The following VCAN variants were observed in gnomAD, a reference collection of about 807,000 sequenced individuals.
VCAN encodes versican.
In VCAN, 44 loss-of-function variants were observed where a neutral mutation model predicts 245.5. The observed-to-expected ratio is 0.18, with a 90% CI of 0.14 to 0.23. The LOEUF is 0.23. Among genes scored for constraint, VCAN ranks in the 10% least tolerant of loss-of-function variants. The pLI is 1.00. For missense variants in VCAN, 3,793 were observed against 4,057.9 expected (o/e 0.93, Z 1.77); for synonymous variants, 1,413 against 1,437.0 (o/e 0.98, Z 0.38).
intron 5 of VCAN, among the ~76,000 whole-genome samples, chr5:83,505,702 C>T (rs1214183498): frequency 6.6e-6 from 1 of 152,170 alleles, no homozygotes; most frequent in African/African-American, 2.4e-5. Context: ...TAGGGAGTGC[C>T]CCTGTAGGGA....
At chr5:83,483,312 A>G (rs890466810) in intron 1 of VCAN, among the ~76,000 whole-genome samples, 3 of 152,200 alleles carry the variant, frequency 2.0e-5, no homozygotes, top group African/African-American at 4.8e-5. Context: ...GATTCAAACT[A>G]ATAATTAAAG....
chr5:83,491,926 G>A (rs1744995694), intron 3 of VCAN, among the ~76,000 whole-genome samples: 10 of 152,074 alleles, frequency 6.6e-5, no homozygotes, highest in Admixed American at 6.5e-4. Context: ...TTAAGCCTTA[G>A]AGATCATTTT....
At chr5:83,546,452 G>A (rs1747223906) in intron 9 of VCAN, among the ~76,000 whole-genome samples, 1 of 151,940 alleles carries the variant, frequency 6.6e-6, no homozygotes, top group Non-Finnish European at 1.5e-5. Flanking sequence ...CATATTAAAA[G>A]AGTACTTAAA....
Position 83,520,366 on chromosome 5 carries a change from CA to C in VCAN, c.2061del (p.Glu688LysfsTer3). ...QTEMTHRRER[T>X]ETLIPEMRTD... ...GAAATGACACATAGAAGAGAAAGAA[CA>C]GAAACACTAATACCAGAGATGAGAA... On this transcript the variant is annotated frameshift_variant, in exon 7 of 15. Coordinates refer to ENST00000265077, the MANE Select transcript of VCAN (RefSeq NM_004385.5). LOFTEE classifies it high-confidence loss of function. 6.2e-7 allele frequency: 1 copy of C among 1,612,256 alleles called. No individual in the cohort carries two copies. Among genetic ancestry groups the C allele is most frequent in the Non-Finnish European group, 8.5e-7 (1 of 1,179,326 alleles).
At chr5:83,535,993 G>T (rs746241538) in intron 7 of VCAN, 1 of 152,154 alleles carries the variant, frequency 6.6e-6, no homozygotes, top group African/African-American at 2.4e-5. Flanking sequence ...ATGCCTCTAT[G>T]ATGAGACCTC....
chr5:83,550,376 CATAAG>C (rs1747412336), intron 10 of VCAN, among the ~76,000 whole-genome samples: 1 of 152,074 alleles, frequency 6.6e-6, no homozygotes. Context: ...AGTTTTAAAG[CATAAG>C]ATGTCTTTCC....
At chr5:83,498,146 G>T (rs1490731059) in intron 5 of VCAN, among the ~76,000 whole-genome samples, 1 of 152,026 alleles carries the variant, frequency 6.6e-6, no homozygotes, top group Non-Finnish European at 1.5e-5. Context: ...TTTTACACAA[G>T]CTTCCAGCAC....
intron 5 of VCAN, among the ~76,000 whole-genome samples, chr5:83,503,338 CTG>C (rs556725720): frequency 0.012 from 1,834 of 152,246 alleles, 26 homozygotes; most frequent in Non-Finnish European, 0.016. Context: ...TTGATATATT[CTG>C]TTAGTGATTT....
At position 83,582,081 on chromosome 5, in the gene VCAN, C is replaced by T. The variant is rs376484031; in HGVS notation, c.*1647C>T. 2.0e-5 allele frequency: 3 copies of T among 151,912 alleles called. No homozygotes were observed. In the East Asian group the frequency reaches 5.8e-4, roughly 29 times the overall value. 9.4% of individuals were successfully genotyped at this position (151,912 alleles called of 1,614,324 possible). On this transcript the variant is annotated 3_prime_UTR_variant, in exon 15 of 15. Transcript: ENST00000265077. ...GGTTGTTGCATTAAATGTAATCCAC[C>T]TTTAGGTATTTTAGAGCACAGAACA...
chr5:83,533,153 T>C (rs953372366), intron 7 of VCAN, among the ~76,000 whole-genome samples: 1 of 152,168 alleles, frequency 6.6e-6, no homozygotes, highest in Non-Finnish European at 1.5e-5. Context: ...TTCTTCTCAA[T>C]TACTTAATTT....
At position 83,540,846 on chromosome 5, in the gene VCAN, G is replaced by A. The variant is rs755439783; in HGVS notation, c.7843G>A (p.Asp2615Asn). Residue 2615 changes from aspartate to asparagine, a missense_variant, in exon 8 of 15, where the codon GAC becomes AAC. Around this residue, in one of 5 missense-constraint regions of VCAN, gnomAD observed 3,182 missense variants for 3,250.3 expected, o/e 0.98. Transcript: ENST00000265077. ...TGACAGTAATGATGAAAGTAATGATGACAGCACTCAAGTTCAAGAGATCTA... is the reference window on the plus strand; with the variant it reads ...TGACAGTAATGATGAAAGTAATGATAACAGCACTCAAGTTCAAGAGATCTA... ...PHDSNDESNDDSTQVQEIYEA... is the reference protein window; with the variant it reads ...PHDSNDESNDNSTQVQEIYEA... 16 of 1,613,976 alleles carry A rather than the reference G, an allele frequency of 9.9e-6. No individual in the cohort carries two copies. The African/African-American group carries it at 1.6e-4, about 16-fold the overall frequency.
At chr5:83,571,347 A>T (rs773765076) in intron 12 of VCAN, among the ~76,000 whole-genome samples, 2 of 152,196 alleles carry the variant, frequency 1.3e-5, no homozygotes, top group Non-Finnish European at 2.9e-5. Context: ...TATTTTAAGT[A>T]ACAAAGAAAT....
intron 5 of VCAN, among the ~76,000 whole-genome samples, chr5:83,494,794 T>A (rs1745106488): frequency 6.6e-6 from 1 of 151,962 alleles, no homozygotes; most frequent in Admixed American, 6.6e-5. Flanking sequence ...CTCTACATAA[T>A]GCCAAAACTT....
In VCAN at chr5:83,537,595, A is replaced by G. The variant is rs1258125718; in HGVS notation, c.4592A>G (p.His1531Arg). 1 of 1,613,856 alleles carries G rather than the reference A, an allele frequency of 6.2e-7. No homozygotes were observed. Among genetic ancestry groups the G allele is most frequent in the Non-Finnish European group, 8.5e-7 (1 of 1,179,912 alleles). ...SVTERDTEVGHQAHEHTEPVS... is the reference protein window; with the variant it reads ...SVTERDTEVGRQAHEHTEPVS... ...ACAGAGAGAGATACTGAAGTTGGTC[A>G]TCAGGCACATGAACATACTGAACCT... is the stretch of plus-strand genomic sequence containing the variant. The change falls in exon 8 of 15, where the codon CAT becomes CGT. Residue 1531 changes from histidine (H) to arginine (R), a missense_variant. Coordinates refer to ENST00000265077, the MANE Select transcript of VCAN (RefSeq NM_004385.5).
Position 83,539,375 on chromosome 5 carries a change from G to A in VCAN, c.6372G>A (p.Lys2124=). Residue 2124 remains lysine (K), a synonymous_variant, in exon 8 of 15, where the codon AAG becomes AAA. Transcript: ENST00000265077. ...CAGAGGAACAAATTCAAGAAGAAAA[G>A]TCATTTGAATCCCCTCAAAACTCTC... ...TTSEEQIQEE[K]SFESPQNSPA... 5 of 1,614,020 alleles carry A rather than the reference G, an allele frequency of 3.1e-6. No homozygotes were observed. The highest frequency in any genetic ancestry group is 4.2e-6 in the Non-Finnish European group (5 of 1,179,978).
chr5:83,479,478 T>C (rs1343744620), intron 1 of VCAN, among the ~76,000 whole-genome samples: 2 of 152,150 alleles, frequency 1.3e-5, no homozygotes, highest in African/African-American at 4.8e-5. Flanking sequence ...ACCTGGATTG[T>C]TCAATGACTT....
At chr5:83,554,621 A>G (rs1747593489) in intron 11 of VCAN, among the ~76,000 whole-genome samples, 1 of 151,860 alleles carries the variant, frequency 6.6e-6, no homozygotes, top group Non-Finnish European at 1.5e-5. Flanking sequence ...AAACAACAAC[A>G]ACAAAAAAAT....
chr5:83,545,727 A>C, intron 9 of VCAN, 77 bp downstream of exon 9: 1 of 1,158,802 alleles, frequency 8.6e-7, no homozygotes. Flanking sequence ...TTGTCGAATC[A>C]ATCAGAGATT....
rs183190273 is a variant in VCAN, at chr5:83,560,195, G to A, written c.9735+5157G>A. 2.5e-4 allele frequency among the ~76,000 whole-genome samples: 38 copies of A among 152,126 alleles called. No homozygotes were observed. In the East Asian group the frequency reaches 6.8e-3, roughly 27 times the overall value. ...AATGGAAAGTAAACTTTCAACCTCT[G>A]CCACCCCTGCAGGTTTGAGTTATAT... On this transcript the variant is annotated intron_variant, in intron 12 of 14. Coordinates refer to ENST00000265077, the MANE Select transcript of VCAN (RefSeq NM_004385.5).
Sources: gnomAD v4.1 joint callset for allele counts (sites outside exome capture counted in the v4.1 genomes callset) on GRCh38, gnomAD v4.1.1 for gene constraint, gnomAD v4.1.1 regional missense constraint, MANE v1.5 for transcripts, NCBI Gene and HGNC (gene_info 2026-07-23, HGNC 2026-07-21) for gene names.